The following EPHA6 variants were observed in gnomAD, a reference collection of about 807,000 sequenced individuals.
The protein encoded by EPHA6 is EPH receptor A6.
EPHA6 carries 50 observed loss-of-function variants against 112.0 expected under a neutral mutation model. The ratio of observed to expected loss-of-function variants is 0.45; its 90% CI spans 0.36 to 0.56. The LOEUF (loss-of-function observed/expected upper bound fraction) is 0.56, where lower values mean the gene tolerates loss of function less well. EPHA6 is among the 20% of genes least tolerant of loss of function. The pLI, the probability that EPHA6 is intolerant of heterozygous loss-of-function variation, is 0.00. For synonymous variants in EPHA6, 529 were observed against 490.7 expected (o/e 1.08, Z -1.03); for missense variants, 1,280 against 1,417.4 (o/e 0.90, Z 1.56).
chr3:97,133,179 A>G (rs2075680297), intron 3 of EPHA6, among the ~76,000 whole-genome samples: 1 of 152,084 alleles, frequency 6.6e-6, no homozygotes, highest in Non-Finnish European at 1.5e-5. Flanking sequence ...GTGAGCAGCC[A>G]GAGTCATATG....
At chr3:97,035,126 C>A (rs1553692122) in intron 3 of EPHA6, among the ~76,000 whole-genome samples, 1 of 151,794 alleles carries the variant, frequency 6.6e-6, no homozygotes, top group Non-Finnish European at 1.5e-5. Flanking sequence ...AAGCGAAATC[C>A]TATTAGAAGC....
intron 2 of EPHA6, among the ~76,000 whole-genome samples, chr3:96,977,064 A>G (rs1559637586): frequency 6.6e-6 from 1 of 152,172 alleles, no homozygotes; most frequent in Non-Finnish European, 1.5e-5. Context: ...AGTGGGATTA[A>G]CTGAGGTTAA....
intron 5 of EPHA6, among the ~76,000 whole-genome samples, chr3:97,252,876 GC>G (rs2079183484): frequency 6.6e-6 from 1 of 152,198 alleles, no homozygotes; most frequent in Admixed American, 6.5e-5. Context: ...CATGAAGCCA[GC>G]CCTGAAAACA....
intron 3 of EPHA6, among the ~76,000 whole-genome samples, chr3:97,216,615 A>T (rs2078042618): frequency 6.6e-6 from 1 of 152,200 alleles, no homozygotes; most frequent in Non-Finnish European, 1.5e-5. Context: ...GTTATATCAA[A>T]TGGTAGGCCT....
chr3:97,754,735 G>T lies in EPHA6; in HGVS notation c.*6034G>T, dbSNP rs1403709114. Among the ~76,000 whole-genome samples, 3 of 151,936 alleles carry T rather than the reference G, an allele frequency of 2.0e-5. No homozygotes were observed. The highest frequency in any genetic ancestry group is 4.4e-5 in the Non-Finnish European group (3 of 67,950). On this transcript the variant is annotated 3_prime_UTR_variant, in exon 18 of 18. Transcript: ENST00000389672. ...TCATTTATTTTTGAGACGGAGTCTC[G>T]CTCTGTCGCCTAGGCTGGAGTGCAG...
intron 6 of EPHA6, among the ~76,000 whole-genome samples, 199 bp from the exon 7 acceptor site, chr3:97,448,369 T>A (rs1171430476): frequency 6.6e-6 from 1 of 152,158 alleles, no homozygotes; most frequent in Non-Finnish European, 1.5e-5. Context: ...TCTTAATAAA[T>A]TTCCAAATAG....
intron 5 of EPHA6, among the ~76,000 whole-genome samples, chr3:97,351,688 G>A (rs1429902500): frequency 6.6e-6 from 1 of 152,030 alleles, no homozygotes; most frequent in African/African-American, 2.4e-5. Flanking sequence ...GGTAATTGAA[G>A]TTGCTATCTA....
intron 3 of EPHA6, among the ~76,000 whole-genome samples, chr3:97,059,150 G>A (rs1040146991): frequency 6.6e-6 from 1 of 152,148 alleles, no homozygotes; most frequent in Non-Finnish European, 1.5e-5. Flanking sequence ...AGCAAAGAGA[G>A]GGACCCCAGA....
chr3:97,607,443 G>A (rs1403976853), intron 12 of EPHA6, among the ~76,000 whole-genome samples: 4 of 150,976 alleles, frequency 2.6e-5, no homozygotes, highest in African/African-American at 4.8e-5. Flanking sequence ...AACAGAAAAG[G>A]ATGATAAGGG....
chr3:97,645,522 G>T (rs1237573346), intron 14 of EPHA6, among the ~76,000 whole-genome samples: 3 of 118,978 alleles, frequency 2.5e-5, no homozygotes, highest in Non-Finnish European at 5.1e-5. Flanking sequence ...TGGTGGGGTG[G>T]GGGGAGGGGG....
At chr3:97,410,524 C>A (rs961159862) in intron 6 of EPHA6, among the ~76,000 whole-genome samples, 10 of 152,158 alleles carry the variant, frequency 6.6e-5, no homozygotes, top group Admixed American at 6.6e-4. Context: ...CTGCCTGTCC[C>A]TTTCCCTGTG....
At chr3:97,172,609 G>C (rs1193592220) in intron 3 of EPHA6, among the ~76,000 whole-genome samples, 1 of 151,864 alleles carries the variant, frequency 6.6e-6, no homozygotes, top group African/African-American at 2.4e-5. Flanking sequence ...TTTTGGGGGG[G>C]ACTGAATTAG....
At chr3:97,736,908 C>G (rs546172569) in intron 16 of EPHA6, among the ~76,000 whole-genome samples, 99 of 152,068 alleles carry the variant, frequency 6.5e-4, no homozygotes, top group African/African-American at 2.3e-3. Context: ...CAAAGCTCAC[C>G]TTCTTCACTC....
intron 13 of EPHA6, chr3:97,612,300 T>G: frequency 3.0e-6 from 1 of 337,096 alleles, no homozygotes; most frequent in Non-Finnish European, 5.9e-6. Flanking sequence ...CAGATACATA[T>G]CAAAATGACT....
At chr3:97,567,123 A>T (rs1249970326) in intron 11 of EPHA6, among the ~76,000 whole-genome samples, 1 of 152,208 alleles carries the variant, frequency 6.6e-6, no homozygotes, top group Non-Finnish European at 1.5e-5. Flanking sequence ...CATCTGGCAC[A>T]CTTATTGTTG....
intron 16 of EPHA6, chr3:97,745,696 A>C (rs2107896579): frequency 6.3e-6 from 1 of 158,310 alleles, no homozygotes; most frequent in South Asian, 1.8e-4. Context: ...GTAGTAATAA[A>C]AGGAAAACCA....
intron 3 of EPHA6, among the ~76,000 whole-genome samples, chr3:96,998,909 A>G (rs764667566): frequency 6.6e-6 from 1 of 151,978 alleles, no homozygotes; most frequent in Non-Finnish European, 1.5e-5. Context: ...CACTTTGACT[A>G]TGCCTAGTTA....
intron 3 of EPHA6, among the ~76,000 whole-genome samples, chr3:97,163,365 C>T (rs187869927): frequency 2.6e-4 from 40 of 152,202 alleles, no homozygotes; most frequent in East Asian, 1.2e-3. Flanking sequence ...GCTCCCCAAA[C>T]GACAAAATTT....
chr3:97,646,319 T>C (rs1204242730), intron 14 of EPHA6: 1 of 1,493,928 alleles, frequency 6.7e-7, no homozygotes, highest in East Asian at 2.5e-5. Context: ...CAGTGAGTCT[T>C]TCAGAGCCCC....
Sources: allele counts gnomAD v4.1 joint callset (sites outside exome capture counted in the v4.1 genomes callset), GRCh38; gene constraint gnomAD v4.1.1; transcripts MANE v1.5; gene names NCBI Gene and HGNC (gene_info 2026-07-23, HGNC 2026-07-21).